Variants in ZFPM1 observed in about 807,000 individuals in gnomAD.
ZFPM1 encodes zinc finger protein ZFPM1.
ZFPM1 carries 28 observed loss-of-function variants against 46.3 expected under a neutral mutation model. The observed-to-expected ratio is 0.60, with a 90% confidence interval of 0.45 to 0.83. The LOEUF (loss-of-function observed/expected upper bound fraction) is 0.83. Among genes scored for constraint, ZFPM1 ranks in the 40% least tolerant of loss-of-function variants. The probability of loss-of-function intolerance (pLI) is 0.00; values close to 1 mark genes in which losing one functional copy is unlikely to be tolerated. For missense variants in ZFPM1, 1,878 were observed against 1,432.4 expected, an observed-to-expected ratio of 1.31 and a Z score of -5.02; for synonymous variants, 957 against 675.9, an observed-to-expected ratio of 1.42 and a Z score of -6.45.
chr16:88,459,304 C>G (rs1164269797), intron 1 of ZFPM1, among the ~76,000 whole-genome samples: 1 of 152,172 alleles, frequency 6.6e-6, no homozygotes, highest in African/African-American at 2.4e-5. Context: ...AGATAAATGA[C>G]CAGAGGGACG....
At chr16:88,489,435 G>C (rs1176001623) in intron 3 of ZFPM1, 1 of 391,120 alleles carries the variant, frequency 2.6e-6, no homozygotes, top group Non-Finnish European at 4.6e-6. Context: ...AGGATCCAGA[G>C]TGGTGGCTGG....
In ZFPM1 at chr16:88,480,185, G is replaced by T. The variant is rs1191477352; in HGVS notation, c.41-5754G>T. Reference sequence around the variant, plus strand: ...GGCAGCCTCCTCCTCTCCCCATCCAGATTGCCACCCACTTGCTACTTCCTC... The same window carrying T: ...GGCAGCCTCCTCCTCTCCCCATCCATATTGCCACCCACTTGCTACTTCCTC... On this transcript the variant is annotated intron_variant, in intron 1 of 9. Transcript: ENST00000319555. This position sits in a 1 kb window ranked among gnomAD's most constrained non-coding sequence, Gnocchi z 4.9. Among the ~76,000 whole-genome samples the T allele has an allele frequency of 6.6e-6, 1 of 152,000 alleles. No homozygotes were observed. Among genetic ancestry groups the T allele is most frequent in the East Asian group, 1.9e-4 (1 of 5,150 alleles).
chr16:88,471,889 G>A lies in ZFPM1; in HGVS notation c.41-14050G>A, dbSNP rs1266323499. Among the ~76,000 whole-genome samples, 2 of 152,270 alleles carry A rather than the reference G, an allele frequency of 1.3e-5. No homozygotes were observed. Among genetic ancestry groups the A allele is most frequent in the Non-Finnish European group, 2.9e-5 (2 of 68,038 alleles). On this transcript the variant is annotated intron_variant, in intron 1 of 9. Transcript: ENST00000319555. This position sits in a 1 kb window ranked among gnomAD's most constrained non-coding sequence, Gnocchi z 4.1. ...CTGGCTGTGCACCATGTTCCACTGG[G>A]TTATTCCTGAGGGGACCTGCAGGTC...
At chr16:88,496,305 CCAGGCTGGAGCCTGGCCTTGGAGA>C (rs915606002) in intron 3 of ZFPM1, among the ~76,000 whole-genome samples, 12 of 152,028 alleles carry the variant, frequency 7.9e-5, no homozygotes, top group Non-Finnish European at 1.6e-4. Context: ...GCTGGGGGTT[CCAGGCTGGAGCCTGGCCTTGGAGA>C]CAGGCTGGAT....
chr16:88,501,070 T>A (rs757405416), intron 3 of ZFPM1, among the ~76,000 whole-genome samples: 2,625 of 135,696 alleles, frequency 0.019, 38 homozygotes, highest in Middle Eastern at 0.061. Context: ...GAGGTAGCGG[T>A]CATGGATGCG....
At chr16:88,528,664 TGGCCCC>T (rs1383604086) in intron 6 of ZFPM1, among the ~76,000 whole-genome samples, 1 of 152,218 alleles carries the variant, frequency 6.6e-6, no homozygotes, top group Non-Finnish European at 1.5e-5. Context: ...GCGGCAGCCC[TGGCCCC>T]GGCCCACTAG....
In ZFPM1 at chr16:88,534,384, C is replaced by G. The variant is rs75878389; in HGVS notation, c.2426C>G (p.Pro809Arg). 2.7e-6 allele frequency: 4 copies of G among 1,458,854 alleles called. No homozygotes were observed. The highest frequency in any genetic ancestry group is 3.6e-6 in the Non-Finnish European group (4 of 1,110,902). The allele number at this position is 1,458,854 out of a possible 1,614,324, so 90.4% of individuals were successfully genotyped here. A position where few individuals can be genotyped will look rare whatever the true frequency, so the allele number is the denominator to read the frequency against. The change falls in exon 10 of 10, where the codon CCG becomes CGG. Residue 809 changes from proline to arginine, a missense_variant. Coordinates refer to ENST00000319555, the MANE Select transcript of ZFPM1 (RefSeq NM_153813.3). ...CCGCGGCGCCCGCTCCCCGGAGCCC[C>G]GGCACCGGCGCTGGCCGACTACCAC... ...KKPRRPLPGAPAPALADYHEC... is the reference protein window; with the variant it reads ...KKPRRPLPGARAPALADYHEC...
chr16:88,467,353 C>G (rs1247659216), intron 1 of ZFPM1, among the ~76,000 whole-genome samples: 1 of 152,166 alleles, frequency 6.6e-6, no homozygotes, highest in Non-Finnish European at 1.5e-5. Context: ...CAAATAGGGC[C>G]GACACCGCTA....
chr16:88,533,918 C>T lies in ZFPM1; in HGVS notation c.1960C>T (p.Pro654Ser). Residue 654 changes from proline to serine, a missense_variant, in exon 10 of 10, where the codon CCC becomes TCC. Pro to Ser is a moderately conservative substitution (Grantham distance 74). Coordinates refer to ENST00000319555, the MANE Select transcript of ZFPM1 (RefSeq NM_153813.3). ...GGAGGGGGCTGGGGGCGCGGCCACG[C>T]CCGAGGACGGCGCGGGCGGCCGGGG... Reference protein sequence around the residue: ...REEGAGGAATPEDGAGGRGSE... With the variant: ...REEGAGGAATSEDGAGGRGSE... 8.3e-7 allele frequency: 1 copy of T among 1,206,896 alleles called. No homozygotes were observed. Among genetic ancestry groups the T allele is most frequent in the Non-Finnish European group, 1.0e-6 (1 of 952,950 alleles). The allele number at this position is 1,206,896 out of a possible 1,614,324, so 74.8% of individuals were successfully genotyped here.
intron 2 of ZFPM1, among the ~76,000 whole-genome samples, chr16:88,486,587 C>CATGGGCGCTGGGTGCACAGCAG (rs1367370097): frequency 6.9e-6 from 1 of 144,060 alleles, no homozygotes; most frequent in Non-Finnish European, 1.5e-5. Flanking sequence ...CTAGGTGCAC[C>CATGGGCGCTGGGTGCACAGCAG]ATGGGCGCTG....
chr16:88,476,907 C>T (rs74032890), intron 1 of ZFPM1, among the ~76,000 whole-genome samples: 79 of 152,350 alleles, frequency 5.2e-4, no homozygotes, highest in African/African-American at 1.8e-3. Context: ...GGCCCGGGAC[C>T]GCTTTTGGCT....
At chr16:88,525,761 T>C (rs565409532) in intron 4 of ZFPM1, among the ~76,000 whole-genome samples, 233 of 152,278 alleles carry the variant, frequency 1.5e-3, no homozygotes, top group African/African-American at 5.1e-3. Context: ...AGCGAGGCCA[T>C]GGACTGCCCG....
At chr16:88,514,033 C>T (rs777584645) in intron 3 of ZFPM1, among the ~76,000 whole-genome samples, 2 of 152,194 alleles carry the variant, frequency 1.3e-5, no homozygotes, top group African/African-American at 2.4e-5. Flanking sequence ...CTTTTGGGGG[C>T]CCCCAGTCAG....
intron 3 of ZFPM1, among the ~76,000 whole-genome samples, chr16:88,509,022 C>A (rs1228298977): frequency 6.6e-6 from 1 of 152,202 alleles, no homozygotes; most frequent in African/African-American, 2.4e-5. Context: ...CCACCCCGGT[C>A]TGCCTCCCGT....
intron 2 of ZFPM1, among the ~76,000 whole-genome samples, chr16:88,486,750 C>A (rs573312461): frequency 7.4e-4 from 110 of 148,808 alleles, no homozygotes; most frequent in Non-Finnish European, 1.3e-3. Context: ...CGGATGGGTG[C>A]TGGGTGCACA....
At chr16:88,485,168 G>T (rs918709992) in intron 1 of ZFPM1, among the ~76,000 whole-genome samples, 1 of 152,166 alleles carries the variant, frequency 6.6e-6, no homozygotes, top group African/African-American at 2.4e-5. Context: ...CCGTGGCGAC[G>T]GCGACCCTCA....
intron 3 of ZFPM1, among the ~76,000 whole-genome samples, chr16:88,498,050 T>C (rs1367957129): frequency 2.0e-5 from 3 of 152,122 alleles, no homozygotes; most frequent in African/African-American, 7.2e-5. Flanking sequence ...CCGATAGCAC[T>C]ATTAGTCTTA....
At chr16:88,457,931 C>G (rs1456602802) in intron 1 of ZFPM1, among the ~76,000 whole-genome samples, 6 of 152,316 alleles carry the variant, frequency 3.9e-5, no homozygotes, top group Admixed American at 3.9e-4. Flanking sequence ...TGGTTTACCC[C>G]CTTTCCTGGG....
At position 88,533,386 on chromosome 16, in the gene ZFPM1, G is replaced by C; in HGVS notation, c.1428G>C (p.Leu476=). 6.6e-7 allele frequency: 1 copy of C among 1,523,978 alleles called. No individual in the cohort carries two copies. Among genetic ancestry groups the C allele is most frequent in the Non-Finnish European group, 8.8e-7 (1 of 1,141,960 alleles). The allele number at this position is 1,523,978 out of a possible 1,614,324, so 94.4% of individuals were successfully genotyped here. A position where few individuals can be genotyped will look rare whatever the true frequency, so the allele number is the denominator to read the frequency against. Residue 476 remains leucine (L), a synonymous_variant, in exon 10 of 10, where the codon CTG becomes CTC. Transcript: ENST00000319555. ...AGGAGCCGGAGGCGGCCCCCATCCT[G>C]GGCCCCGGAGAGCCTGGGCCCCAGG... is the stretch of plus-strand genomic sequence containing the variant. The part of the protein sequence containing the change: ...AVEEPEAAPI[L]GPGEPGPQAP...
Sources: gnomAD v4.1 joint callset for allele counts (sites outside exome capture counted in the v4.1 genomes callset) on GRCh38, gnomAD v4.1.1 for gene constraint, Gnocchi (gnomAD v3.1) non-coding constraint, MANE v1.5 for transcripts, NCBI Gene and HGNC (gene_info 2026-07-23, HGNC 2026-07-21) for gene names.